The following AUTS2 variants were observed in gnomAD, a reference collection of about 807,000 sequenced individuals.
The protein encoded by AUTS2 is activator of transcription and developmental regulator AUTS2, also known as autism susceptibility gene 2 protein.
In AUTS2, 17 loss-of-function variants were observed where a neutral mutation model predicts 112.4. The observed-to-expected ratio is 0.15, with a 90% CI of 0.10 to 0.23. The LOEUF (loss-of-function observed/expected upper bound fraction) is 0.23. AUTS2 is among the 10% of genes least tolerant of loss of function. The probability of loss-of-function intolerance (pLI) is 1.00; values close to 1 mark genes in which losing one functional copy is unlikely to be tolerated. For synonymous variants in AUTS2, 751 were observed against 702.7 expected (o/e 1.07, Z -1.09); for missense variants, 1,510 against 1,701.6 (o/e 0.89, Z 1.98).
intron 4 of AUTS2, among the ~76,000 whole-genome samples, chr7:70,364,169 G>A (rs185987890): frequency 1.3e-5 from 2 of 152,106 alleles, no homozygotes; most frequent in Middle Eastern, 3.4e-3. Context: ...AGGGAGACTG[G>A]CTTACTAAAA....
chr7:70,713,243 C>T (rs1033579513), intron 6 of AUTS2, among the ~76,000 whole-genome samples: 2 of 152,176 alleles, frequency 1.3e-5, no homozygotes, highest in Admixed American at 6.5e-5. Flanking sequence ...TCACAGCACA[C>T]AACACACACA....
chr7:69,866,527 A>T (rs946320943), intron 1 of AUTS2, among the ~76,000 whole-genome samples: 1 of 152,154 alleles, frequency 6.6e-6, no homozygotes, highest in African/African-American at 2.4e-5. Flanking sequence ...TCTCTGCTGG[A>T]TGATCATCAT....
intron 5 of AUTS2, among the ~76,000 whole-genome samples, chr7:70,546,137 T>G (rs1040688958): frequency 2.0e-5 from 3 of 152,184 alleles, no homozygotes; most frequent in African/African-American, 7.2e-5. Context: ...GTGAAAACAC[T>G]GCTACAGAGT....
intron 1 of AUTS2, among the ~76,000 whole-genome samples, chr7:69,862,535 C>T (rs557889608): frequency 6.6e-6 from 1 of 152,222 alleles, no homozygotes; most frequent in East Asian, 1.9e-4. Flanking sequence ...AAAGGAGGGC[C>T]ATTAATCTCT....
intron 5 of AUTS2, among the ~76,000 whole-genome samples, chr7:70,482,051 T>C (rs1797808935): frequency 6.6e-6 from 1 of 152,202 alleles, no homozygotes. Flanking sequence ...TTAAAGTCCG[T>C]AGGCTTGAGC....
In AUTS2 at chr7:70,791,071, C is replaced by G; in HGVS notation, c.*75C>G. ...AGGCCAGGCTTGAGAGACAGAACTC[C>G]TGCATGGCTCACACAGACTGGGGGG... On this transcript the variant is annotated 3_prime_UTR_variant, in exon 19 of 19. Transcript: ENST00000342771. 7.2e-7 allele frequency: 1 copy of G among 1,384,460 alleles called. No individual in the cohort carries two copies. The highest frequency in any genetic ancestry group is 9.4e-7 in the Non-Finnish European group (1 of 1,067,700). 85.8% of individuals were successfully genotyped at this position (1,384,460 alleles called of 1,614,324 possible).
intron 4 of AUTS2, among the ~76,000 whole-genome samples, chr7:70,420,571 A>G (rs1585124920): frequency 6.6e-6 from 1 of 152,318 alleles, no homozygotes; most frequent in African/African-American, 2.4e-5. Flanking sequence ...TTCCTGGGGG[A>G]TGACAATAAA....
intron 4 of AUTS2, among the ~76,000 whole-genome samples, chr7:70,326,873 AACATAATC>A (rs1453489947): frequency 1.3e-5 from 2 of 151,714 alleles, no homozygotes; most frequent in Non-Finnish European, 2.9e-5. Flanking sequence ...TAACTGTAAA[AACATAATC>A]ACAGGTGGCA....
intron 6 of AUTS2, among the ~76,000 whole-genome samples, chr7:70,726,923 A>G (rs1787069070): frequency 6.6e-6 from 1 of 152,206 alleles, no homozygotes; most frequent in South Asian, 2.1e-4. Flanking sequence ...CTTTCCTCTC[A>G]GCTTTTAGAG....
chr7:69,746,141 C>T (rs1455432735), intron 1 of AUTS2, among the ~76,000 whole-genome samples: 3 of 152,066 alleles, frequency 2.0e-5, no homozygotes, highest in Non-Finnish European at 4.4e-5. Flanking sequence ...TCCCAAAGTA[C>T]TGGGATTATA....
In AUTS2 at chr7:70,477,570, C is replaced by T. The variant is rs538478259; in HGVS notation, c.690+41789C>T. On this transcript the variant is annotated intron_variant, in intron 5 of 18. Coordinates refer to ENST00000342771, the MANE Select transcript of AUTS2 (RefSeq NM_015570.4). ...CAGAATCACCCTCTGCTCAGTGGAT[C>T]GCTGCCCTCCCATTACTCTGCTGGC... Among the ~76,000 whole-genome samples, 357 of 152,298 alleles carry T rather than the reference C, an allele frequency of 2.3e-3. 10 individuals are homozygous for T. The highest frequency in any genetic ancestry group is 8.1e-4 in the Non-Finnish European group (55 of 68,028).
At chr7:70,431,928 G>A (rs557003859) in intron 4 of AUTS2, among the ~76,000 whole-genome samples, 11 of 152,336 alleles carry the variant, frequency 7.2e-5, no homozygotes, top group South Asian at 4.1e-4. Flanking sequence ...GCGTGCACAC[G>A]TCCTCTTTCT....
intron 6 of AUTS2, among the ~76,000 whole-genome samples, chr7:70,714,045 G>C (rs1810216322): frequency 6.6e-6 from 1 of 152,062 alleles, no homozygotes; most frequent in African/African-American, 2.4e-5. Context: ...GATCTACATG[G>C]GTTAAATTTA....
At chr7:69,834,707 A>T (rs1791647477) in intron 1 of AUTS2, among the ~76,000 whole-genome samples, 1 of 152,212 alleles carries the variant, frequency 6.6e-6, no homozygotes, top group South Asian at 2.1e-4. Flanking sequence ...AATAAGAACT[A>T]CTTTAGAATG....
At chr7:69,707,864 T>C (rs533586896) in intron 1 of AUTS2, among the ~76,000 whole-genome samples, 44 of 152,320 alleles carry the variant, frequency 2.9e-4, no homozygotes, top group Admixed American at 1.2e-3. Flanking sequence ...GCAGAGTAGG[T>C]CTTAGAGAAA....
intron 1 of AUTS2, among the ~76,000 whole-genome samples, chr7:69,684,538 G>T (rs979910785): frequency 6.6e-6 from 1 of 152,162 alleles, no homozygotes; most frequent in Non-Finnish European, 1.5e-5. Context: ...GGGAAATGGC[G>T]CCTCTGAGCC....
intron 1 of AUTS2, among the ~76,000 whole-genome samples, chr7:69,712,125 T>C (rs1798356148): frequency 1.3e-5 from 2 of 152,184 alleles, no homozygotes; most frequent in Non-Finnish European, 2.9e-5. Flanking sequence ...CTGTGCTGTG[T>C]TGCTTGTTTG....
intron 2 of AUTS2, among the ~76,000 whole-genome samples, chr7:70,042,570 G>A (rs1301012636): frequency 1.3e-5 from 2 of 152,172 alleles, no homozygotes; most frequent in African/African-American, 2.4e-5. Flanking sequence ...TATGAATAGA[G>A]GTTTAAAGTA....
At chr7:69,891,770 A>C (rs1794530119) in intron 1 of AUTS2, among the ~76,000 whole-genome samples, 1 of 68,604 alleles carries the variant, frequency 1.5e-5, no homozygotes, top group African/African-American at 4.9e-5. Flanking sequence ...TTCCAGACAG[A>C]TATCTTTTTT....
Sources: gnomAD v4.1 joint callset for allele counts (sites outside exome capture counted in the v4.1 genomes callset) on GRCh38, gnomAD v4.1.1 for gene constraint, MANE v1.5 for transcripts, NCBI Gene and HGNC (gene_info 2026-07-23, HGNC 2026-07-21) for gene names.